OPCML: variants seen among roughly 807,000 people sequenced by gnomAD.
OPCML encodes opioid-binding protein/cell adhesion molecule.
OPCML carries 13 observed loss-of-function variants against 37.8 expected under a neutral mutation model. That is an observed-to-expected ratio of 0.34 (90% CI 0.22 to 0.55). The LOEUF (loss-of-function observed/expected upper bound fraction) is 0.55, where lower values mean the gene tolerates loss of function less well. OPCML is among the 20% of genes least tolerant of loss of function. The pLI is 0.91. For synonymous variants in OPCML, 176 were observed against 168.8 expected, an observed-to-expected ratio of 1.04 and a Z score of -0.33; for missense variants, 341 against 435.6, an observed-to-expected ratio of 0.78 and a Z score of 1.93.
chr11:132,739,257 A>C (rs1232535738), intron 2 of OPCML, among the ~76,000 whole-genome samples: 2 of 152,180 alleles, frequency 1.3e-5, no homozygotes, highest in Non-Finnish European at 2.9e-5. Context: ...ATAGAAGCTC[A>C]AGTCCCAAGC....
intron 2 of OPCML, among the ~76,000 whole-genome samples, chr11:132,862,934 C>T (rs1942368430): frequency 6.6e-6 from 1 of 152,180 alleles, no homozygotes; most frequent in South Asian, 2.1e-4. Flanking sequence ...CCTTATCTGG[C>T]ATGGTTACAC....
chr11:132,579,255 T>A (rs2096457271), intron 3 of OPCML, among the ~76,000 whole-genome samples: 1 of 152,124 alleles, frequency 6.6e-6, no homozygotes, highest in African/African-American at 2.4e-5. Flanking sequence ...ACAAGGTGAC[T>A]AGAAGTTTGT....
rs1184369985 is a variant in OPCML at position 133,044,903 on chromosome 11, T to G, written c.62-101893A>C. Among the ~76,000 whole-genome samples, 3 of 152,162 alleles carry G rather than the reference T, an allele frequency of 2.0e-5. No homozygotes were observed. In the East Asian group the frequency reaches 5.8e-4, roughly 29 times the overall value. On this transcript the variant is annotated intron_variant, in intron 1 of 7. Coordinates refer to ENST00000524381, the MANE Select transcript of OPCML (RefSeq NM_001012393.5). ...GGGCCCCAGAAACCACTCTCTCATT[T>G]CCAAATGAGGACACTAAAGACCAGC...
chr11:133,344,492 A>G (rs1233369544), intron 1 of OPCML, among the ~76,000 whole-genome samples: 2 of 151,434 alleles, frequency 1.3e-5, no homozygotes, highest in East Asian at 1.9e-4. Flanking sequence ...CATTCAAGAC[A>G]CTCCTTCCCT....
intron 1 of OPCML, among the ~76,000 whole-genome samples, chr11:133,114,816 TGTGA>T (rs776914760): frequency 6.6e-6 from 1 of 152,182 alleles, no homozygotes; most frequent in Admixed American, 6.5e-5. Flanking sequence ...AGCAAATGGT[TGTGA>T]GTTTCAGAGA....
chr11:133,439,292 G>GTTTT, intron 1 of OPCML: 2 of 879,852 alleles, frequency 2.3e-6, no homozygotes, highest in Non-Finnish European at 2.7e-6. Flanking sequence ...AGTAAAAGAT[G>GTTTT]TTTTTTTTTT....
intron 7 of OPCML, among the ~76,000 whole-genome samples, chr11:132,421,565 T>C (rs2095959189): frequency 6.6e-6 from 1 of 152,198 alleles, no homozygotes; most frequent in African/African-American, 2.4e-5. Context: ...CAGCAATGAG[T>C]ATACAACTGT....
chr11:133,462,884 A>G (rs1482232909), intron 1 of OPCML, among the ~76,000 whole-genome samples: 1 of 152,182 alleles, frequency 6.6e-6, no homozygotes, highest in African/African-American at 2.4e-5. Context: ...TTATGTGGCC[A>G]TGTTTATAAT....
chr11:132,833,044 G>A (rs1277579338), intron 2 of OPCML, among the ~76,000 whole-genome samples: 8 of 152,030 alleles, frequency 5.3e-5, no homozygotes, highest in African/African-American at 9.7e-5. Flanking sequence ...GTTAGTACCG[G>A]GGACTTTATA....
At chr11:132,856,294 T>C (rs1350355796) in intron 2 of OPCML, among the ~76,000 whole-genome samples, 1 of 152,194 alleles carries the variant, frequency 6.6e-6, no homozygotes, top group Non-Finnish European at 1.5e-5. Context: ...GCATGATGGC[T>C]ATCAAATAAT....
chr11:133,382,656 T>A (rs192017325), intron 1 of OPCML, among the ~76,000 whole-genome samples: 1 of 152,288 alleles, frequency 6.6e-6, no homozygotes, highest in African/African-American at 2.4e-5. Context: ...CACCCCTCAA[T>A]AAATGTCTTT....
intron 2 of OPCML, among the ~76,000 whole-genome samples, chr11:132,702,440 G>A (rs1390058706): frequency 1.3e-5 from 2 of 152,128 alleles, no homozygotes; most frequent in African/African-American, 4.8e-5. Context: ...TTGGGGGAGG[G>A]TTTCCATTGT....
chr11:133,005,022 C>A (rs1439093584), intron 1 of OPCML: 1 of 985,260 alleles, frequency 1.0e-6, no homozygotes, highest in Non-Finnish European at 1.2e-6. Context: ...CCTTTCTCAG[C>A]ATTGGTGGCA....
intron 2 of OPCML, among the ~76,000 whole-genome samples, chr11:132,865,736 C>T (rs76653820): frequency 1.3e-5 from 2 of 152,054 alleles, no homozygotes; most frequent in Non-Finnish European, 2.9e-5. Context: ...GCTGTCATGA[C>T]GATGCAGCTC....
chr11:132,704,547 A>G (rs1943956690), intron 2 of OPCML, among the ~76,000 whole-genome samples: 1 of 152,212 alleles, frequency 6.6e-6, no homozygotes, highest in African/African-American at 2.4e-5. Flanking sequence ...GAATAGGTAA[A>G]TAAATGAAAG....
intron 1 of OPCML, among the ~76,000 whole-genome samples, chr11:132,973,498 A>C (rs933395536): frequency 7.9e-5 from 12 of 152,146 alleles, no homozygotes; most frequent in East Asian, 7.7e-4. Context: ...TGTTATTATA[A>C]TTGCTCCAAC....
chr11:132,921,971 G>T (rs575068334), intron 2 of OPCML, among the ~76,000 whole-genome samples: 1,901 of 151,682 alleles, frequency 0.013, 21 homozygotes, highest in Non-Finnish European at 0.02. Flanking sequence ...CCTTCGCCTC[G>T]CAGGTTCAAG....
rs892719435 is a variant in OPCML, at chr11:132,418,857, G to T, written c.*1336C>A. On this transcript the variant is annotated 3_prime_UTR_variant, in exon 8 of 8. Transcript: ENST00000524381. The stretch of plus-strand genomic sequence containing the variant: ...CTTGAAGGGTTGAGAGAAGCATAAA[G>T]GCTGGCACCTTTGTCCTTCAAGTGC... 2.6e-5 allele frequency: 4 copies of T among 152,624 alleles called. No individual in the cohort carries two copies. Among genetic ancestry groups the T allele is most frequent in the Non-Finnish European group, 4.4e-5 (3 of 68,040 alleles). 9.5% of individuals were successfully genotyped at this position (152,624 alleles called of 1,614,324 possible).
intron 1 of OPCML, among the ~76,000 whole-genome samples, chr11:133,290,657 CAGA>C (rs1341605415): frequency 6.6e-6 from 1 of 152,158 alleles, no homozygotes; most frequent in Non-Finnish European, 1.5e-5. Context: ...CACCAGACAA[CAGA>C]AGGAGGAGAG....
Sources: gnomAD v4.1 joint callset for allele counts (sites outside exome capture counted in the v4.1 genomes callset) on GRCh38, gnomAD v4.1.1 for gene constraint, MANE v1.5 for transcripts, NCBI Gene and HGNC (gene_info 2026-07-23, HGNC 2026-07-21) for gene names.